Variants in STOX2 observed in about 807,000 individuals in gnomAD.
The protein encoded by STOX2 is storkhead box 2, also known as storkhead-box protein 2.
A neutral mutation model predicts 60.9 loss-of-function variants in STOX2; 28 were observed. That is an observed-to-expected ratio of 0.46 (90% CI 0.34 to 0.63). The LOEUF is 0.63. Ranked by LOEUF, STOX2 falls within the 30% of genes least tolerant of loss-of-function variation. STOX2 has a pLI of 0.01. For synonymous variants in STOX2, 472 were observed against 463.9 expected (o/e 1.02, Z -0.22); for missense variants, 1,024 against 1,187.7 (o/e 0.86, Z 2.03).
rs1444763809 is a variant in STOX2, at chr4:184,018,398, TTTATTCCTGGGAA to T, written c.*1115_*1127del. The T allele has an allele frequency of 6.6e-6, 1 of 152,206 alleles. No homozygotes were observed. Among genetic ancestry groups the T allele is most frequent in the African/African-American group, 2.4e-5 (1 of 41,462 alleles). 9.4% of individuals were successfully genotyped at this position (152,206 alleles called of 1,614,324 possible). On this transcript the variant is annotated 3_prime_UTR_variant, in exon 4 of 4. Coordinates refer to ENST00000308497, the MANE Select transcript of STOX2 (RefSeq NM_020225.3). ...TTAGGGAGTGTTGAACTTCAGGCCT[TTTATTCCTGGGAA>T]GATATGTATAGAGAAAACTTTTAAA...
At chr4:184,012,132 T>C (rs1394811696) in intron 3 of STOX2, among the ~76,000 whole-genome samples, 1 of 152,232 alleles carries the variant, frequency 6.6e-6, no homozygotes, top group Non-Finnish European at 1.5e-5. Flanking sequence ...AGGTGTTAGT[T>C]CAGCAAAGGG....
At chr4:183,928,271 C>T (rs901475241) in intron 1 of STOX2, among the ~76,000 whole-genome samples, 1 of 152,130 alleles carries the variant, frequency 6.6e-6, no homozygotes, top group Non-Finnish European at 1.5e-5. Context: ...CTGCACCTCC[C>T]CAGAGCTGCC....
chr4:183,949,613 G>A (rs1252079540), intron 1 of STOX2, among the ~76,000 whole-genome samples: 2 of 152,110 alleles, frequency 1.3e-5, no homozygotes, highest in Non-Finnish European at 2.9e-5. Flanking sequence ...CAGGAGAATC[G>A]CTTGAACCCG....
chr4:183,842,851 A>G (rs1739895346), intron 1 of STOX2, among the ~76,000 whole-genome samples: 3 of 151,930 alleles, frequency 2.0e-5, no homozygotes, highest in African/African-American at 7.3e-5. Context: ...TTTTTTTTGA[A>G]ATAAAAATGT....
chr4:183,876,980 T>C (rs937396197), intron 1 of STOX2, among the ~76,000 whole-genome samples: 2 of 152,180 alleles, frequency 1.3e-5, no homozygotes, highest in Admixed American at 1.3e-4. Flanking sequence ...TCTTGGAGAA[T>C]GTGTGGCCCC....
rs59281551 is a variant in STOX2 at position 183,825,426 on chromosome 4, T to A, written c.364+27371T>A. ...TGGCGCGTGCTGCAGATGGCAGCGG[T>A]CAGCTCGTGTCATCTCCTAGCATCC... is the stretch of plus-strand genomic sequence containing the variant. On this transcript the variant is annotated intron_variant, in intron 1 of 2. Coordinates refer to the STOX2 transcript ENST00000513034. The surrounding 1 kb of genome is among the most constrained non-coding windows in gnomAD (Gnocchi z 4.1). 0.064 allele frequency among the ~76,000 whole-genome samples: 9,750 copies of A among 152,192 alleles called. 1,003 individuals are homozygous for A. The highest frequency in any genetic ancestry group is 0.22 in the African/African-American group (9,131 of 41,482).
chr4:183,912,910 A>G lies in STOX2; in HGVS notation c.166+5954A>G, dbSNP rs1442172753. ...TTATAAGTATGTATGCTAAGATCCT[A>G]CTTTTGAAAAGATCTCCCATTGTGA... On this transcript the variant is annotated intron_variant, in intron 1 of 3. Coordinates refer to ENST00000308497, the MANE Select transcript of STOX2 (RefSeq NM_020225.3). Among the ~76,000 whole-genome samples, 4 of 152,232 alleles carry G rather than the reference A, an allele frequency of 2.6e-5. No homozygotes were observed. In the East Asian group the frequency reaches 7.7e-4, roughly 29 times the overall value.
At chr4:183,943,252 A>G (rs568859217) in intron 1 of STOX2, among the ~76,000 whole-genome samples, 19 of 152,350 alleles carry the variant, frequency 1.2e-4, no homozygotes, top group African/African-American at 4.1e-4. Flanking sequence ...TGCCCAGTGA[A>G]TAAACTTAAC....
At position 184,009,861 on chromosome 4, in the gene STOX2, G is replaced by A. The variant is rs200115622; in HGVS notation, c.1023G>A (p.Lys341=). ...TCATGAAGAAACTGGAAGAAGAAAA[G>A]GCCCAGAGGAGTAAAGCCGGGTCCT... ...TALMKKLEEE[K]AQRSKAGSSA... is the part of the protein sequence containing the mutation. The change falls in exon 3 of 4, where the codon AAG becomes AAA. Residue 341 remains lysine, a synonymous_variant. Transcript: ENST00000308497. This position sits in a 1 kb window ranked among gnomAD's most constrained non-coding sequence, Gnocchi z 4.0. The A allele has an allele frequency of 3.7e-4, 604 of 1,611,742 alleles. No homozygotes were observed. Among genetic ancestry groups the A allele is most frequent in the Non-Finnish European group, 4.9e-4 (581 of 1,178,932 alleles).
At chr4:183,959,609 CTTTA>C (rs138444110) in intron 1 of STOX2, among the ~76,000 whole-genome samples, 6 of 152,056 alleles carry the variant, frequency 3.9e-5, no homozygotes, top group African/African-American at 7.2e-5. Flanking sequence ...TCTCGCTGTG[CTTTA>C]TTTATTTATT....
At position 184,001,540 on chromosome 4, in the gene STOX2, C is replaced by A; in HGVS notation, c.319+63C>A. 1 of 1,525,962 alleles carries A rather than the reference C, an allele frequency of 6.6e-7. No homozygotes were observed. The highest frequency in any genetic ancestry group is 9.0e-7 in the Non-Finnish European group (1 of 1,112,154). 94.5% of individuals were successfully genotyped at this position (1,525,962 alleles called of 1,614,324 possible). A position where few individuals can be genotyped will look rare whatever the true frequency, so the allele number is the denominator to read the frequency against. On this transcript the variant is annotated intron_variant, in intron 2 of 3. Coordinates refer to ENST00000308497, the MANE Select transcript of STOX2 (RefSeq NM_020225.3). This position sits in a 1 kb window ranked among gnomAD's most constrained non-coding sequence, Gnocchi z 4.2. ...TGTGCTGTGGTCGCTCTAGGACTCA[C>A]GTGGACTGTTCTGCCCATGTTTAAA... is the stretch of plus-strand genomic sequence containing the variant.
chr4:183,816,496 A>G (rs2111105730), intron 1 of STOX2, among the ~76,000 whole-genome samples: 1 of 152,286 alleles, frequency 6.6e-6, no homozygotes, highest in Non-Finnish European at 1.5e-5. Flanking sequence ...AGATACCCTA[A>G]AAGGAGGGAG....
At chr4:183,912,499 C>T (rs981721182) in intron 1 of STOX2, among the ~76,000 whole-genome samples, 1 of 152,206 alleles carries the variant, frequency 6.6e-6, no homozygotes, top group Non-Finnish European at 1.5e-5. Flanking sequence ...GCCCAGAATG[C>T]GTTCTCCATC....
chr4:183,932,224 A>T (rs1239390644), intron 1 of STOX2, among the ~76,000 whole-genome samples: 1 of 151,826 alleles, frequency 6.6e-6, no homozygotes, highest in African/African-American at 2.4e-5. Flanking sequence ...GGGGTTGGGG[A>T]CGTTGATGAG....
At position 183,851,292 on chromosome 4, in the gene STOX2, AGAAAGGATGAGG is replaced by A. The variant is rs1477812886; in HGVS notation, c.364+53285_364+53296del. On this transcript the variant is annotated intron_variant, in intron 1 of 2. Transcript: ENST00000513034. The stretch of plus-strand genomic sequence containing the variant: ...GAGAAACGATGAGGGAAAGGATGAG[AGAAAGGATGAGG>A]GAAAGGATGAGGGAAAGGATGAGGG... Among the ~76,000 whole-genome samples the A allele has an allele frequency of 5.0e-3, 126 of 25,370 alleles. 2 individuals are homozygous for A. Among genetic ancestry groups the A allele is most frequent in the African/African-American group, 0.016 (111 of 6,984 alleles). 16.6% of individuals were successfully genotyped at this position (25,370 alleles called of 152,430 possible).
chr4:183,824,396 G>A (rs73010526), intron 1 of STOX2, among the ~76,000 whole-genome samples: 2 of 151,916 alleles, frequency 1.3e-5, no homozygotes, highest in Admixed American at 6.6e-5. Context: ...GGGTAATTTC[G>A]TTAGGTAAAT....
intron 1 of STOX2, among the ~76,000 whole-genome samples, chr4:183,847,442 G>A (rs559182119): frequency 6.6e-6 from 1 of 152,122 alleles, no homozygotes; most frequent in African/African-American, 2.4e-5. Context: ...ATGTTTATTG[G>A]GTAGTCACTT....
intron 1 of STOX2, among the ~76,000 whole-genome samples, chr4:183,859,647 A>G (rs573364226): frequency 3.9e-5 from 6 of 152,394 alleles, no homozygotes; most frequent in Admixed American, 2.0e-4. Flanking sequence ...GCAAATGGTG[A>G]CGCACAGAAG....
intron 1 of STOX2, among the ~76,000 whole-genome samples, chr4:183,877,889 C>T (rs1740868450): frequency 6.6e-6 from 1 of 152,018 alleles, no homozygotes; most frequent in African/African-American, 2.4e-5. Context: ...GGGGTCTCAC[C>T]CTGTTGGCCA....
Sources: allele counts gnomAD v4.1 joint callset (sites outside exome capture counted in the v4.1 genomes callset), GRCh38; gene constraint gnomAD v4.1.1; non-coding constraint Gnocchi (gnomAD v3.1); transcripts MANE v1.5; gene names NCBI Gene and HGNC (gene_info 2026-07-23, HGNC 2026-07-21).